Variants in KCNIP1 observed in about 807,000 individuals in gnomAD.
KCNIP1 encodes the protein potassium voltage-gated channel interacting protein 1.
A neutral mutation model predicts 33.0 loss-of-function variants in KCNIP1; 18 were observed. That is an observed-to-expected ratio of 0.55 (90% CI 0.38 to 0.81). KCNIP1 has a LOEUF of 0.81. Among genes scored for constraint, KCNIP1 ranks in the 30% least tolerant of loss-of-function variants. KCNIP1 has a pLI of 0.00. For missense variants in KCNIP1, 238 were observed against 271.6 expected, an observed-to-expected ratio of 0.88 and a Z score of 0.87; for synonymous variants, 93 against 98.3, an observed-to-expected ratio of 0.95 and a Z score of 0.32.
chr5:170,679,003 G>C (rs990922570), intron 1 of KCNIP1: 8 of 152,214 alleles, frequency 5.3e-5, no homozygotes, highest in African/African-American at 1.9e-4. Flanking sequence ...ATCCCATTAA[G>C]CCCAGTGGGT....
intron 1 of KCNIP1, among the ~76,000 whole-genome samples, chr5:170,495,563 G>T (rs1757294336): frequency 1.3e-5 from 2 of 152,202 alleles, no homozygotes; most frequent in Non-Finnish European, 2.9e-5. Context: ...CAAAGTCTGG[G>T]GTTTCAGTGC....
At chr5:170,386,115 A>C (rs1764459660) in intron 1 of KCNIP1, among the ~76,000 whole-genome samples, 1 of 144,526 alleles carries the variant, frequency 6.9e-6, no homozygotes, top group South Asian at 2.2e-4. Context: ...ACAAAGCAAG[A>C]CTCCGTCAAA....
upstream of KCNIP1, among the ~76,000 whole-genome samples, chr5:170,499,432 C>T (rs188850946): frequency 2.5e-4 from 38 of 152,344 alleles, no homozygotes; most frequent in Middle Eastern, 3.4e-3. Flanking sequence ...CAATCCCTCA[C>T]AGCAACACTA....
intron 1 of KCNIP1, among the ~76,000 whole-genome samples, chr5:170,667,750 T>C (rs186106143): frequency 6.2e-4 from 95 of 152,374 alleles, no homozygotes; most frequent in East Asian, 6.2e-3. Context: ...ATAAGGTTGC[T>C]GGGGATGCCA....
At chr5:170,397,420 A>C (rs946316298) in intron 1 of KCNIP1, among the ~76,000 whole-genome samples, 1 of 152,158 alleles carries the variant, frequency 6.6e-6, no homozygotes, top group Non-Finnish European at 1.5e-5. Context: ...ATATCAGTCC[A>C]TCTCCCTGTG....
chr5:170,608,165 C>T (rs1206402203), intron 1 of KCNIP1, among the ~76,000 whole-genome samples: 1 of 152,176 alleles, frequency 6.6e-6, no homozygotes, highest in Non-Finnish European at 1.5e-5. Context: ...GGAACAAGGA[C>T]ACCACTACAT....
chr5:170,405,715 C>G (rs1304735038), intron 1 of KCNIP1, among the ~76,000 whole-genome samples: 1 of 152,208 alleles, frequency 6.6e-6, no homozygotes, highest in Non-Finnish European at 1.5e-5. Flanking sequence ...GGTTCAGGCC[C>G]CTGTGATCTT....
At chr5:170,720,431 C>G in intron 3 of KCNIP1, 41 bp downstream of exon 3, 2 of 1,475,812 alleles carry the variant, frequency 1.4e-6, no homozygotes, top group South Asian at 1.1e-5. Flanking sequence ...AGCTCCCTCT[C>G]TGGTAAGCAG....
intron 5 of KCNIP1, among the ~76,000 whole-genome samples, chr5:170,732,043 C>A (rs1165684017): frequency 6.6e-6 from 1 of 152,122 alleles, no homozygotes; most frequent in Admixed American, 6.5e-5. Context: ...TATGCATGAA[C>A]TCTCTGTACT....
chr5:170,625,541 C>T (rs1342206162), intron 1 of KCNIP1, among the ~76,000 whole-genome samples: 1 of 152,228 alleles, frequency 6.6e-6, no homozygotes, highest in Admixed American at 6.5e-5. Flanking sequence ...CTATCTACTC[C>T]TCTGAATGCA....
chr5:170,506,859 G>A (rs1754738299), intron 1 of KCNIP1, among the ~76,000 whole-genome samples: 1 of 152,164 alleles, frequency 6.6e-6, no homozygotes, highest in Non-Finnish European at 1.5e-5. Flanking sequence ...GTTCCCCCAG[G>A]TATTTGCCCC....
intron 5 of KCNIP1, among the ~76,000 whole-genome samples, chr5:170,723,943 A>G (rs1763921609): frequency 6.6e-6 from 1 of 152,224 alleles, no homozygotes; most frequent in Non-Finnish European, 1.5e-5. Flanking sequence ...ATGGCTGCAG[A>G]TGAAGGTATG....
intron 1 of KCNIP1, among the ~76,000 whole-genome samples, chr5:170,673,526 C>T (rs1361999177): frequency 6.6e-6 from 1 of 152,200 alleles, no homozygotes; most frequent in Non-Finnish European, 1.5e-5. Flanking sequence ...AGGCACAGGG[C>T]TAGTGAATAA....
chr5:170,729,387 T>G (rs1262691194), intron 5 of KCNIP1, among the ~76,000 whole-genome samples: 1 of 152,102 alleles, frequency 6.6e-6, no homozygotes, highest in East Asian at 1.9e-4. Flanking sequence ...GACATTCATC[T>G]TAACAAAGGC....
intron 1 of KCNIP1, among the ~76,000 whole-genome samples, chr5:170,461,015 C>G (rs1337683880): frequency 6.6e-6 from 1 of 152,106 alleles, no homozygotes; most frequent in African/African-American, 2.4e-5. Context: ...CCAACTGCAA[C>G]CAAGCTGAGA....
At chr5:170,712,536 AAGG>A (rs1763487662) in intron 1 of KCNIP1, among the ~76,000 whole-genome samples, 2 of 152,324 alleles carry the variant, frequency 1.3e-5, no homozygotes, top group South Asian at 4.1e-4. Flanking sequence ...GAGTGTTTCC[AAGG>A]ACCCATCCAA....
intron 1 of KCNIP1, among the ~76,000 whole-genome samples, chr5:170,663,377 G>T (rs190739330): frequency 6.6e-6 from 1 of 152,128 alleles, no homozygotes; most frequent in African/African-American, 2.4e-5. Flanking sequence ...TGCATGCCAT[G>T]TTTCAGTAAG....
In KCNIP1 at chr5:170,504,309, G is replaced by A; in HGVS notation, c.-264G>A. 3 of 1,349,576 alleles carry A rather than the reference G, an allele frequency of 2.2e-6. No individual in the cohort carries two copies. Among genetic ancestry groups the A allele is most frequent in the Middle Eastern group, 2.8e-4 (1 of 3,596 alleles). The allele number at this position is 1,349,576 out of a possible 1,614,324, so 83.6% of individuals were successfully genotyped here. ...GTCCTCGGCCCTGGGCGAGGGAACC[G>A]CCGGGCCGGGTCCTCGCGCGGGGAA... On this transcript the variant is annotated 5_prime_UTR_variant, in exon 1 of 8. Transcript: ENST00000328939. The surrounding 1 kb of genome is among the most constrained non-coding windows in gnomAD (Gnocchi z 6.0).
chr5:170,561,945 G>A (rs768127674), intron 1 of KCNIP1, among the ~76,000 whole-genome samples: 2 of 152,150 alleles, frequency 1.3e-5, no homozygotes, highest in Non-Finnish European at 2.9e-5. Context: ...CCATCATAAA[G>A]TCAATAAATT....
Sources: allele counts gnomAD v4.1 joint callset (sites outside exome capture counted in the v4.1 genomes callset), GRCh38; gene constraint gnomAD v4.1.1; non-coding constraint Gnocchi (gnomAD v3.1); transcripts MANE v1.5; gene names NCBI Gene and HGNC (gene_info 2026-07-23, HGNC 2026-07-21).